The following C10orf90 variants were observed in gnomAD, a reference collection of about 807,000 sequenced individuals.
C10orf90 encodes the protein chromosome 10 open reading frame 90, also known as (E2-independent) E3 ubiquitin-conjugating enzyme FATS.
A neutral mutation model predicts 62.5 loss-of-function variants in C10orf90; 56 were observed. The observed-to-expected ratio is 0.90, with a 90% CI of 0.72 to 1.12. The LOEUF is 1.12. Among genes scored for constraint, C10orf90 ranks in the 50% most tolerant of loss-of-function variants. C10orf90 has a pLI of 0.00. For synonymous variants in C10orf90, 386 were observed against 340.4 expected (o/e 1.13, Z -1.47); for missense variants, 970 against 880.4 (o/e 1.10, Z -1.29).
intron 4 of C10orf90, among the ~76,000 whole-genome samples, chr10:126,465,224 T>A (rs536109354): frequency 6.6e-6 from 1 of 152,250 alleles, no homozygotes; most frequent in Admixed American, 6.5e-5. Context: ...ATAGAGTGAG[T>A]TAGCACCTTG....
chr10:126,430,002 A>G (rs1857479518), intron 7 of C10orf90, 152 bp from the exon 8 acceptor site: 2 of 677,278 alleles, frequency 3.0e-6, no homozygotes, highest in Admixed American at 2.7e-5. Flanking sequence ...CTGATACACC[A>G]TAAGTGGTTG....
intron 2 of C10orf90, among the ~76,000 whole-genome samples, chr10:126,611,480 T>C (rs2133802655): frequency 6.6e-6 from 1 of 152,366 alleles, no homozygotes; most frequent in South Asian, 2.1e-4. Flanking sequence ...ACAAGTTTTA[T>C]GTGAACATAT....
At chr10:126,475,486 T>G (rs1202322216) in intron 4 of C10orf90, among the ~76,000 whole-genome samples, 1 of 152,230 alleles carries the variant, frequency 6.6e-6, no homozygotes, top group African/African-American at 2.4e-5. Context: ...CACAGCCTCC[T>G]GCTCAGGACG....
chr10:126,469,782 A>G lies in C10orf90; in HGVS notation c.1535-4796T>C, dbSNP rs570761861. 1.5e-4 allele frequency: 65 copies of G among 437,924 alleles called. 1 individual carries two copies. Among genetic ancestry groups the G allele is most frequent in the African/African-American group, 1.3e-3 (63 of 49,616 alleles). The allele number at this position is 437,924 out of a possible 1,614,324, so 27.1% of individuals were successfully genotyped here. A position where few individuals can be genotyped will look rare whatever the true frequency, so the allele number is the denominator to read the frequency against. ...TTCTCTTCCAGCAAGCTCTATAACT[A>G]CAGCATCTAACTGGAAACCAGTTAA... On this transcript the variant is annotated intron_variant, in intron 4 of 9. Coordinates refer to ENST00000488181, the MANE Select transcript of C10orf90 (RefSeq NM_001350921.2).
intron 2 of C10orf90, among the ~76,000 whole-genome samples, chr10:126,624,435 T>A (rs1470824645): frequency 6.6e-6 from 1 of 152,150 alleles, no homozygotes; most frequent in African/African-American, 2.4e-5. Context: ...GCCCTTTTTG[T>A]GTGTCACTTT....
At chr10:126,584,371 A>C (rs1844815941) in intron 2 of C10orf90, among the ~76,000 whole-genome samples, 1 of 150,840 alleles carries the variant, frequency 6.6e-6, no homozygotes, top group Non-Finnish European at 1.5e-5. Context: ...TCCACCTTCC[A>C]TCTGTCCATC....
intron 7 of C10orf90, among the ~76,000 whole-genome samples, chr10:126,434,174 G>A (rs777242353): frequency 6.6e-6 from 1 of 152,166 alleles, no homozygotes; most frequent in Non-Finnish European, 1.5e-5. Context: ...AACTACTCAG[G>A]TAAGGTCAAA....
intron 3 of C10orf90, among the ~76,000 whole-genome samples, chr10:126,507,181 C>T (rs1030443216): frequency 6.6e-6 from 1 of 151,980 alleles, no homozygotes; most frequent in African/African-American, 2.4e-5. Context: ...CACGGTGAAA[C>T]TCTGTCTCTA....
At chr10:126,559,657 G>C (rs7075271) in intron 2 of C10orf90, among the ~76,000 whole-genome samples, 65,252 of 151,866 alleles carry the variant, frequency 0.43, 14,096 homozygotes, top group African/African-American at 0.45. Context: ...TCGGAAGATG[G>C]GTACCAGAGA....
chr10:126,567,010 A>G (rs1350640493), intron 2 of C10orf90, among the ~76,000 whole-genome samples: 1 of 152,142 alleles, frequency 6.6e-6, no homozygotes, highest in Non-Finnish European at 1.5e-5. Context: ...ATTACCCACC[A>G]AAGGTGGCCC....
chr10:126,585,643 C>A (rs561948089), intron 2 of C10orf90, among the ~76,000 whole-genome samples: 1 of 151,996 alleles, frequency 6.6e-6, no homozygotes, highest in Admixed American at 6.6e-5. Context: ...AAGGGTAGGT[C>A]AGATTCAGCA....
chr10:126,445,334 C>G (rs754688724), intron 7 of C10orf90, among the ~76,000 whole-genome samples: 6 of 151,994 alleles, frequency 3.9e-5, no homozygotes, highest in Non-Finnish European at 7.4e-5. Flanking sequence ...AACAAACAAT[C>G]CCATCAAAAA....
chr10:126,506,303 A>G (rs1862728291), intron 3 of C10orf90, among the ~76,000 whole-genome samples: 1 of 152,238 alleles, frequency 6.6e-6, no homozygotes, highest in Non-Finnish European at 1.5e-5. Flanking sequence ...ACTACAAAAT[A>G]CAACATGGAA....
chr10:126,525,544 A>T (rs912853109), intron 2 of C10orf90, among the ~76,000 whole-genome samples: 5 of 152,178 alleles, frequency 3.3e-5, no homozygotes, highest in South Asian at 2.1e-4. Flanking sequence ...AGCTGGACAA[A>T]TGAGGTTGGG....
intron 2 of C10orf90, among the ~76,000 whole-genome samples, chr10:126,645,197 C>T (rs935583536): frequency 6.8e-6 from 1 of 147,344 alleles, no homozygotes; most frequent in African/African-American, 2.5e-5. Context: ...ACCAGCATGG[C>T]ACATGTATAC....
Position 126,573,388 on chromosome 10 carries a change from C to A in C10orf90, c.314-59449G>T, listed in dbSNP as rs528740738. 6.0e-4 allele frequency among the ~76,000 whole-genome samples: 91 copies of A among 152,334 alleles called. 1 individual carries two copies. The highest frequency in any genetic ancestry group is 1.8e-3 in the African/African-American group (76 of 41,576). On this transcript the variant is annotated intron_variant, in intron 2 of 9. Coordinates refer to ENST00000488181, the MANE Select transcript of C10orf90 (RefSeq NM_001350921.2). Reference sequence around the variant, plus strand: ...CAAGGTGTGGCGCCAGGCTGTCTGCCTGTGGGTTTCATTTCTGCCTTTTAG... The same window carrying A: ...CAAGGTGTGGCGCCAGGCTGTCTGCATGTGGGTTTCATTTCTGCCTTTTAG...
At chr10:126,633,276 A>C (rs1458213335) in intron 2 of C10orf90, among the ~76,000 whole-genome samples, 1 of 152,222 alleles carries the variant, frequency 6.6e-6, no homozygotes, top group East Asian at 1.9e-4. Context: ...GGCCTAGGAC[A>C]TCCCAGGGCC....
chr10:126,445,016 C>T (rs1858660847), intron 7 of C10orf90, among the ~76,000 whole-genome samples: 1 of 152,072 alleles, frequency 6.6e-6, no homozygotes, highest in Admixed American at 6.6e-5. Flanking sequence ...CAAAAATCAA[C>T]TCAAGATGGA....
intron 1 of C10orf90, among the ~76,000 whole-genome samples, chr10:126,648,501 A>C (rs570893652): frequency 2.0e-5 from 3 of 152,346 alleles, no homozygotes; most frequent in Admixed American, 6.5e-5. Flanking sequence ...CTATTTGACT[A>C]TATCTGGCAA....
Sources: gnomAD v4.1 joint callset for allele counts (sites outside exome capture counted in the v4.1 genomes callset) on GRCh38, gnomAD v4.1.1 for gene constraint, MANE v1.5 for transcripts, NCBI Gene and HGNC (gene_info 2026-07-23, HGNC 2026-07-21) for gene names.